The following CLU variants were observed in gnomAD, a reference collection of about 807,000 sequenced individuals.
The protein encoded by CLU is aging-associated protein 4.
In CLU, 25 loss-of-function variants were observed where a neutral mutation model predicts 46.4. The ratio of observed to expected loss-of-function variants is 0.54; its 90% CI spans 0.39 to 0.75. CLU has a LOEUF of 0.75. CLU is among the 30% of genes least tolerant of loss of function. CLU has a pLI of 0.00. For missense variants in CLU, 504 were observed against 592.1 expected (o/e 0.85, Z 1.54); for synonymous variants, 235 against 235.1 (o/e 1.00, Z 0.00).
At position 27,607,339 on chromosome 8, in the gene CLU, A is replaced by AAAAAACAAAAC. The variant is rs1554532413; in HGVS notation, c.247-816_247-815insGTTTTGTTTTT. Among the ~76,000 whole-genome samples the AAAAAACAAAAC allele has an allele frequency of 3.3e-4, 49 of 148,816 alleles. 1 individual carries two copies. In the South Asian group the frequency reaches 0.011, roughly 32 times the overall value. On this transcript the variant is annotated intron_variant, in intron 3 of 8. Coordinates refer to ENST00000316403, the MANE Select transcript of CLU (RefSeq NM_001831.4). ...GTGACAGAGCAAGACTCTGTCTCAA[A>AAAAAACAAAAC]AAAACAAAACAAAACAAAACAAAAC...
intron 6 of CLU, among the ~76,000 whole-genome samples, chr8:27,600,995 G>T (rs1042610694): frequency 1.3e-5 from 2 of 152,198 alleles, no homozygotes; most frequent in Non-Finnish European, 2.9e-5. Flanking sequence ...AGGGTCTTCA[G>T]CTCCTAAGCT....
chr8:27,609,030 C>A lies in CLU; in HGVS notation c.154G>T (p.Gly52Trp). 1 of 1,614,120 alleles carries A rather than the reference C, an allele frequency of 6.2e-7. No homozygotes were observed. Among genetic ancestry groups the A allele is most frequent in the East Asian group, 2.2e-5 (1 of 44,882 alleles). Residue 52 changes from glycine to tryptophan, a missense_variant, in exon 3 of 9, where the codon GGG (glycine) becomes TGG (tryptophan). This residue lies in a region of CLU where 73 missense variants were observed against 91.2 expected (regional missense o/e 0.80). Transcript: ENST00000316403. ...VNKEIQNAVN[G>W]VKQIKTLIEK... is the part of the protein sequence containing the mutation. ...ATGAGAGTCTTTATCTGTTTCACCCCGTTGACAGCATTTTGAATTTCCTTA... is the reference window on the plus strand; with the variant it reads ...ATGAGAGTCTTTATCTGTTTCACCCAGTTGACAGCATTTTGAATTTCCTTA...
At chr8:27,606,269 T>C in intron 4 of CLU, 85 bp downstream of exon 4, 3 of 1,469,600 alleles carry the variant, frequency 2.0e-6, no homozygotes, top group Non-Finnish European at 1.9e-6. Context: ...ATCAATTGCA[T>C]CTGGCATGCG....
chr8:27,612,972 G>A (rs1197928537), intron 1 of CLU, among the ~76,000 whole-genome samples: 1 of 141,348 alleles, frequency 7.1e-6, no homozygotes, highest in East Asian at 2.3e-4. Flanking sequence ...GGGGGCAGGG[G>A]GGGCGGGGGG....
At chr8:27,600,144 T>C in intron 6 of CLU, 135 bp from the exon 7 acceptor site, 1 of 712,854 alleles carries the variant, frequency 1.4e-6, no homozygotes, top group Admixed American at 2.0e-5. Flanking sequence ...GGCCACAAAC[T>C]GGAATTGTCC....
intron 5 of CLU, 108 bp from the exon 6 acceptor site, chr8:27,604,503 C>T: frequency 2.1e-6 from 2 of 930,318 alleles, no homozygotes; most frequent in Non-Finnish European, 3.4e-6. Context: ...GACAGGGTCT[C>T]ACTCTGTTGC....
At chr8:27,603,027 T>G (rs1024979680) in intron 6 of CLU, among the ~76,000 whole-genome samples, 1 of 152,220 alleles carries the variant, frequency 6.6e-6, no homozygotes, top group Non-Finnish European at 1.5e-5. Context: ...ATAGAGCCAC[T>G]GTACGCCAGC....
intron 4 of CLU, 72 bp from the exon 5 acceptor site, chr8:27,605,407 G>T: frequency 6.5e-7 from 1 of 1,542,860 alleles, no homozygotes. Flanking sequence ...CCCACCCCCT[G>T]GTGAGCCAGG....
chr8:27,611,098 C>G, intron 1 of CLU: 1 of 421,484 alleles, frequency 2.4e-6, no homozygotes, highest in Middle Eastern at 7.8e-4. Context: ...CCAGCAGACG[C>G]TCCCCATTCA....
rs138211435 is a variant in CLU at position 27,608,997 on chromosome 8, T to C, written c.187A>G (p.Thr63Ala). 62 of 1,614,214 alleles carry C rather than the reference T, an allele frequency of 3.8e-5. No homozygotes were observed. The African/African-American group carries it at 7.7e-4, about 20-fold the overall frequency. The part of the protein sequence containing the change: ...VKQIKTLIEK[T>A]NEERKTLLSN... The stretch of plus-strand genomic sequence containing the variant: ...AGCAGTGTCTTGCGCTCTTCGTTTG[T>C]TTTTTCTATGAGAGTCTTTATCTGT... The change falls in exon 3 of 9, where the codon ACA becomes GCA. Residue 63 changes from threonine (T) to alanine (A), a missense_variant. By Grantham distance (58) the Thr-to-Ala change is moderately conservative. This residue lies in a region of CLU where 73 missense variants were observed against 91.2 expected (regional missense o/e 0.80). Transcript: ENST00000316403.
At chr8:27,612,964 G>C (rs1217295774) in intron 1 of CLU, among the ~76,000 whole-genome samples, 1 of 147,688 alleles carries the variant, frequency 6.8e-6, no homozygotes, top group East Asian at 2.0e-4. Context: ...GGGGGGTGGG[G>C]GGCAGGGGGG....
intron 1 of CLU, among the ~76,000 whole-genome samples, chr8:27,612,226 G>A (rs996995588): frequency 6.6e-6 from 1 of 152,126 alleles, no homozygotes; most frequent in Non-Finnish European, 1.5e-5. Flanking sequence ...ACTCCCTAGA[G>A]TCCACAGCAT....
intron 1 of CLU, chr8:27,613,867 T>C (rs1031022274): frequency 1.3e-5 from 2 of 152,138 alleles, no homozygotes; most frequent in Admixed American, 1.3e-4. Context: ...ATTCCTAACC[T>C]CTCCGTTTAA....
chr8:27,602,528 G>A (rs1441320073), intron 6 of CLU, among the ~76,000 whole-genome samples: 1 of 151,496 alleles, frequency 6.6e-6, no homozygotes, highest in Admixed American at 6.6e-5. Flanking sequence ...TTCAGCCCAA[G>A]AGGTCTAGGC....
chr8:27,606,314 C>T (rs764917706), intron 4 of CLU, 40 bp downstream of exon 4: 1 of 1,609,538 alleles, frequency 6.2e-7, no homozygotes, highest in South Asian at 1.1e-5. Flanking sequence ...CCCCTCCTTC[C>T]CCACTCAGAG....
In CLU at chr8:27,597,349, G is replaced by A; in HGVS notation, c.*892C>T. The A allele has an allele frequency of 8.8e-6, 4 of 454,536 alleles. No individual in the cohort carries two copies. The highest frequency in any genetic ancestry group is 1.8e-5 in the Non-Finnish European group (4 of 226,786). 28.2% of individuals were successfully genotyped at this position (454,536 alleles called of 1,614,324 possible). A position where few individuals can be genotyped will look rare whatever the true frequency, so the allele number is the denominator to read the frequency against. On this transcript the variant is annotated 3_prime_UTR_variant, in exon 9 of 9. Transcript: ENST00000316403. ...CCACCTGCTGGCAGCGTAGGGTACT[G>A]CAGCCCAGCTATGGTTCAGACTAAA...
intron 6 of CLU, among the ~76,000 whole-genome samples, chr8:27,601,238 A>G (rs1019398527): frequency 2.0e-5 from 3 of 152,148 alleles, no homozygotes; most frequent in Admixed American, 1.3e-4. Flanking sequence ...TTTAGGAGAG[A>G]CAGGGTTTCA....
At position 27,600,060 on chromosome 8, in the gene CLU, A is replaced by C. The variant is rs374743080; in HGVS notation, c.935-51T>G. 542 of 1,383,384 alleles carry C rather than the reference A, an allele frequency of 3.9e-4. 1 individual carries two copies. Among genetic ancestry groups the C allele is most frequent in the Non-Finnish European group, 4.9e-4 (477 of 973,964 alleles). 85.7% of individuals were successfully genotyped at this position (1,383,384 alleles called of 1,614,324 possible). On this transcript the variant is annotated intron_variant, in intron 6 of 8. Coordinates refer to ENST00000316403, the MANE Select transcript of CLU (RefSeq NM_001831.4). ...GTGAGAAGTGTGAAGGGAAGGCTAC[A>C]AAGGGATAGAACCATGAATGAATGG...
At chr8:27,611,634 G>A (rs1388963018) in intron 1 of CLU, 1 of 457,834 alleles carries the variant, frequency 2.2e-6, no homozygotes, top group South Asian at 1.5e-5. Context: ...AGGACGATGG[G>A]GTTCCCCTTC....
Sources: allele counts gnomAD v4.1 joint callset (sites outside exome capture counted in the v4.1 genomes callset), GRCh38; gene constraint gnomAD v4.1.1; regional missense constraint gnomAD v4.1.1; transcripts MANE v1.5; gene names NCBI Gene and HGNC (gene_info 2026-07-23, HGNC 2026-07-21).